The following THYN1 variants were observed in gnomAD, a reference collection of about 807,000 sequenced individuals.
THYN1 encodes the protein thymocyte protein thy28.
In THYN1, 32 loss-of-function variants were observed where a neutral mutation model predicts 30.6. The ratio of observed to expected loss-of-function variants is 1.05; its 90% confidence interval spans 0.79 to 1.40. The LOEUF (loss-of-function observed/expected upper bound fraction) is 1.40, where lower values mean the gene tolerates loss of function less well. THYN1 is among the 40% of genes most tolerant of loss of function. The pLI, the probability that THYN1 is intolerant of heterozygous loss-of-function variation, is 0.00. For missense variants in THYN1, 259 were observed against 272.6 expected (o/e 0.95, Z 0.35); for synonymous variants, 107 against 90.8 (o/e 1.18, Z -1.01).
Position 134,253,328 on chromosome 11 carries a change from G to A in THYN1, c.-446C>T, listed in dbSNP as rs950941274. The A allele has an allele frequency of 3.6e-6, 5 of 1,400,072 alleles. No individual in the cohort carries two copies. Among genetic ancestry groups the A allele is most frequent in the Admixed American group, 3.0e-5 (1 of 33,192 alleles). 86.7% of individuals were successfully genotyped at this position (1,400,072 alleles called of 1,614,324 possible). ...CACTCTGCAGACTCGACTGCGGTCC[G>A]CCTCCGCTGCGCCGCAGGCTGTGCA... On this transcript the variant is annotated 5_prime_UTR_variant, in exon 1 of 7. Transcript: ENST00000341541.
In THYN1 at chr11:134,249,861, G is replaced by C; in HGVS notation, c.351C>G (p.Asn117Lys). 1 of 1,614,194 alleles carries C rather than the reference G, an allele frequency of 6.2e-7. No individual in the cohort carries two copies. The highest frequency in any genetic ancestry group is 8.5e-7 in the Non-Finnish European group (1 of 1,180,020). The change falls in exon 4 of 7, where the codon AAC becomes AAG. Residue 117 changes from asparagine (N) to lysine (K), a missense_variant. Coordinates refer to ENST00000341541, the MANE Select transcript of THYN1 (RefSeq NM_014174.3). ...LGEEAFFYHS[N>K]CKEPGIAGLM... ...GTCCTGCGATGCCTGGCTCTTTGCA[G>C]TTGCTATGGTAGAAGAAGGCTTCTT...
chr11:134,250,061 C>A, intron 3 of THYN1, 141 bp from the exon 4 acceptor site: 1 of 990,864 alleles, frequency 1.0e-6, no homozygotes, highest in Non-Finnish European at 1.5e-6. Flanking sequence ...TCCCCTTTGC[C>A]AGGACACCCA....
intron 1 of THYN1, among the ~76,000 whole-genome samples, chr11:134,252,335 T>C (rs1363087410): frequency 2.0e-5 from 3 of 152,190 alleles, no homozygotes; most frequent in Non-Finnish European, 4.4e-5. Flanking sequence ...AGAGGTACTT[T>C]CTGTACCTTC....
chr11:134,253,064 G>T lies in THYN1; in HGVS notation c.-182C>A, dbSNP rs1939198249. 59 of 1,383,390 alleles carry T rather than the reference G, an allele frequency of 4.3e-5. No individual in the cohort carries two copies. Among genetic ancestry groups the T allele is most frequent in the Non-Finnish European group, 5.4e-5 (58 of 1,074,334 alleles). The allele number at this position is 1,383,390 out of a possible 1,614,324, so 85.7% of individuals were successfully genotyped here. A position where few individuals can be genotyped will look rare whatever the true frequency, so the allele number is the denominator to read the frequency against. The stretch of plus-strand genomic sequence containing the variant: ...TTTGAGCCCTCAAATCCTTCCCTCC[G>T]TTATCTGCGCCATTTCCATCTCGCA... On this transcript the variant is annotated 5_prime_UTR_variant, in exon 1 of 7. Transcript: ENST00000341541.
chr11:134,251,324 C>CA lies in THYN1; in HGVS notation c.44-17dup. 6.3e-7 allele frequency: 1 copy of CA among 1,589,122 alleles called. No individual in the cohort carries two copies. Among genetic ancestry groups the CA allele is most frequent in the Non-Finnish European group, 8.5e-7 (1 of 1,170,668 alleles). On this transcript the variant is annotated splice_polypyrimidine_tract_variant and intron_variant, in intron 1 of 6. Coordinates refer to ENST00000341541, the MANE Select transcript of THYN1 (RefSeq NM_014174.3). ...AGTCCCTTGTCTGCAATAGGAGAAG[C>CA]AAAAAGAAAAGATCATGCTTGTTAA...
intron 1 of THYN1, 150 bp downstream of exon 1, chr11:134,252,690 A>G: frequency 1.1e-6 from 1 of 874,488 alleles, no homozygotes; most frequent in South Asian, 1.6e-5. Flanking sequence ...TGGTGAGACA[A>G]GTAAAGAAGA....
chr11:134,249,342 A>G, intron 4 of THYN1, 80 bp from the exon 5 acceptor site: 1 of 1,400,288 alleles, frequency 7.1e-7, no homozygotes, highest in Non-Finnish European at 1.0e-6. Flanking sequence ...TCCAACTTTC[A>G]TTTCTTCCCT....
At chr11:134,250,415 A>G in intron 2 of THYN1, 72 bp from the exon 3 acceptor site, 1 of 1,552,058 alleles carries the variant, frequency 6.4e-7, no homozygotes, top group Non-Finnish European at 8.9e-7. Context: ...GGAAGCAGAC[A>G]GTTCCTTCCC....
intron 4 of THYN1, among the ~76,000 whole-genome samples, 169 bp from the exon 5 acceptor site, chr11:134,249,431 T>C (rs181463829): frequency 7.1e-4 from 108 of 152,372 alleles, no homozygotes; most frequent in African/African-American, 2.5e-3. Context: ...GTCTAATATA[T>C]AGACTAGGAA....
Position 134,249,304 on chromosome 11 carries a change from A to G in THYN1, c.385-42T>C, listed in dbSNP as rs1455653245. On this transcript the variant is annotated intron_variant, in intron 4 of 6. Transcript: ENST00000341541. ...AGCTTTGAATCATCTGCCTGCAGTC[A>G]GCTCCACAGCCAATCTTTTAATCCA... The G allele has an allele frequency of 1.9e-6, 3 of 1,576,196 alleles. No individual in the cohort carries two copies. The East Asian group carries it at 6.7e-5, about 35-fold the overall frequency.
At position 134,251,297 on chromosome 11, in the gene THYN1, A is replaced by G. The variant is rs1234218720; in HGVS notation, c.55T>C (p.Ser19Pro). 1 of 1,612,186 alleles carries G rather than the reference A, an allele frequency of 6.2e-7. No individual in the cohort carries two copies. Among genetic ancestry groups the G allele is most frequent in the Non-Finnish European group, 8.5e-7 (1 of 1,179,390 alleles). The change falls in exon 2 of 7, where the codon TCA becomes CCA. Residue 19 changes from serine to proline, a missense_variant. Physicochemically the swap from Ser to Pro is moderately conservative, Grantham distance 74. Transcript: ENST00000341541. ...AGTSGSDKGL[S>P]GKRTKTENSG... is the part of the protein sequence containing the mutation. ...TTCTCAGTTTTGGTGCGTTTTCCTG[A>G]TAGTCCCTTGTCTGCAATAGGAGAA... is the stretch of plus-strand genomic sequence containing the variant.
intron 1 of THYN1, 117 bp from the exon 2 acceptor site, chr11:134,251,425 G>A (rs1342494697): frequency 3.5e-6 from 4 of 1,157,590 alleles, no homozygotes; most frequent in Non-Finnish European, 3.7e-6. Flanking sequence ...ATTACCAGCT[G>A]TAGGAACTTA....
rs774157581 is a variant in THYN1, at chr11:134,252,877, C to G, written c.6G>C (p.Ser2=). M[S]RPRKRLAGTS... Reference sequence around the variant, plus strand: ...TCCCAGCCAGCCTCTTCCGGGGTCTCGACATGGTCACGCTGCAGGGGACTT... The same window carrying G: ...TCCCAGCCAGCCTCTTCCGGGGTCTGGACATGGTCACGCTGCAGGGGACTT... The change falls in exon 1 of 7, where the codon TCG becomes TCC. Residue 2 remains serine, a synonymous_variant. Coordinates refer to ENST00000341541, the MANE Select transcript of THYN1 (RefSeq NM_014174.3). The G allele has an allele frequency of 4.4e-6, 7 of 1,602,594 alleles. No homozygotes were observed. Among genetic ancestry groups the G allele is most frequent in the South Asian group, 1.1e-5 (1 of 89,408 alleles).
At chr11:134,249,116 T>C in intron 5 of THYN1, 51 bp downstream of exon 5, 1 of 1,582,182 alleles carries the variant, frequency 6.3e-7, no homozygotes, top group Non-Finnish European at 8.6e-7. Flanking sequence ...AACCGTCTTC[T>C]TCCCCTGGTT....
chr11:134,251,417 T>C, intron 1 of THYN1, 109 bp from the exon 2 acceptor site: 1 of 1,218,528 alleles, frequency 8.2e-7, no homozygotes, highest in Non-Finnish European at 1.1e-6. Flanking sequence ...ATGGATCCAT[T>C]ACCAGCTGTA....
At chr11:134,249,956 C>T (rs764864831) in intron 3 of THYN1, 36 bp from the exon 4 acceptor site, 22 of 1,592,394 alleles carry the variant, frequency 1.4e-5, no homozygotes, top group Non-Finnish European at 1.9e-5. Context: ...TATCCTCCCA[C>T]CAGCTGGAAA....
chr11:134,250,483 T>TCTGTGGAG, intron 2 of THYN1, 140 bp from the exon 3 acceptor site: 3 of 849,536 alleles, frequency 3.5e-6, no homozygotes, highest in Non-Finnish European at 5.5e-6. Flanking sequence ...GGGAAGTGGC[T>TCTGTGGAG]CCACAGAGAC....
At chr11:134,249,763 T>G in intron 4 of THYN1, 65 bp downstream of exon 4, 1 of 1,503,418 alleles carries the variant, frequency 6.7e-7, no homozygotes, top group Non-Finnish European at 9.2e-7. Flanking sequence ...GTATATCCCT[T>G]TATATCTACT....
At chr11:134,248,590 A>G in intron 6 of THYN1, 106 bp from the exon 7 acceptor site, 2 of 1,457,570 alleles carry the variant, frequency 1.4e-6, no homozygotes, top group Non-Finnish European at 1.9e-6. Flanking sequence ...TAAGGCGAGC[A>G]GTCATTCGTT....
Sources: allele counts gnomAD v4.1 joint callset (sites outside exome capture counted in the v4.1 genomes callset), GRCh38; gene constraint gnomAD v4.1.1; transcripts MANE v1.5; gene names NCBI Gene and HGNC (gene_info 2026-07-23, HGNC 2026-07-21).